TBCA: variants seen among roughly 807,000 people sequenced by gnomAD.
The protein encoded by TBCA is tubulin-specific chaperone A.
Under a neutral mutation model 15.8 loss-of-function variants are expected in TBCA, and 6 were observed. The observed-to-expected ratio is 0.38, with a 90% CI of 0.21 to 0.75. TBCA has a LOEUF of 0.75. Among genes scored for constraint, TBCA ranks in the 30% least tolerant of loss-of-function variants. TBCA has a pLI of 0.46. For synonymous variants in TBCA, 32 were observed against 42.3 expected, an observed-to-expected ratio of 0.76 and a Z score of 0.94; for missense variants, 90 against 131.2, an observed-to-expected ratio of 0.69 and a Z score of 1.53.
At chr5:77,692,004 C>T in intron 3 of TBCA, 1 of 985,376 alleles carries the variant, frequency 1.0e-6, no homozygotes, top group Non-Finnish European at 1.2e-6. Context: ...GTATTACATA[C>T]CCTACACTAA....
chr5:77,744,531 CTTTTTT>C (rs70991305), intron 1 of TBCA, among the ~76,000 whole-genome samples: 8 of 82,968 alleles, frequency 9.6e-5, no homozygotes, highest in Non-Finnish European at 1.3e-4. Context: ...TCTTATTCAC[CTTTTTT>C]TTTTTTTTTT....
At chr5:77,700,595 A>C (rs1445448686) in intron 2 of TBCA, among the ~76,000 whole-genome samples, 1 of 152,250 alleles carries the variant, frequency 6.6e-6, no homozygotes, top group East Asian at 1.9e-4. Context: ...ATGTAGAGAA[A>C]TTGAATCATT....
At chr5:77,713,320 TAAC>T (rs1208306867) in intron 1 of TBCA, among the ~76,000 whole-genome samples, 2 of 152,046 alleles carry the variant, frequency 1.3e-5, no homozygotes, top group African/African-American at 4.8e-5. Context: ...TACTAATAAA[TAAC>T]AATAATTTGG....
At chr5:77,727,346 C>A (rs1313788461) in intron 1 of TBCA, among the ~76,000 whole-genome samples, 1 of 150,880 alleles carries the variant, frequency 6.6e-6, no homozygotes, top group African/African-American at 2.4e-5. Flanking sequence ...ATTTACAAGA[C>A]AGAGTTCTTG....
At chr5:77,759,337 A>G (rs1185436226) in intron 1 of TBCA, among the ~76,000 whole-genome samples, 3 of 152,216 alleles carry the variant, frequency 2.0e-5, no homozygotes, top group African/African-American at 7.2e-5. Context: ...GCCTCCAGGT[A>G]GCAGACTTCA....
At chr5:77,698,033 T>C (rs1364792802) in intron 2 of TBCA, among the ~76,000 whole-genome samples, 2 of 151,394 alleles carry the variant, frequency 1.3e-5, no homozygotes, top group Admixed American at 6.6e-5. Flanking sequence ...AATGGGAGGG[T>C]TGCTTGAACC....
intron 1 of TBCA, among the ~76,000 whole-genome samples, chr5:77,722,034 C>A (rs910016525): frequency 1.8e-4 from 27 of 151,954 alleles, no homozygotes; most frequent in African/African-American, 6.5e-4. Flanking sequence ...TAAATTATGT[C>A]TTTTATGGCA....
At chr5:77,712,268 T>C (rs553812844) in intron 1 of TBCA, among the ~76,000 whole-genome samples, 16 of 152,314 alleles carry the variant, frequency 1.1e-4, no homozygotes, top group African/African-American at 3.6e-4. Flanking sequence ...TGAATTGGGA[T>C]TGTCAGAATT....
At chr5:77,772,083 TAA>T (rs1428714735) in intron 1 of TBCA, among the ~76,000 whole-genome samples, 7 of 138,756 alleles carry the variant, frequency 5.0e-5, no homozygotes, top group Non-Finnish European at 1.6e-5. Context: ...AACCATTGAT[TAA>T]AAAAAAAAAA....
At chr5:77,732,477 G>C (rs1746795914) in intron 1 of TBCA, among the ~76,000 whole-genome samples, 2 of 150,432 alleles carry the variant, frequency 1.3e-5, no homozygotes, top group Non-Finnish European at 2.9e-5. Context: ...CATGGACCCG[G>C]GAGGCAGAGC....
Position 77,739,770 on chromosome 5 carries a change from G to A in TBCA, c.54-31423C>T, listed in dbSNP as rs184154349. On this transcript the variant is annotated intron_variant, in intron 1 of 3. Coordinates refer to ENST00000380377, the MANE Select transcript of TBCA (RefSeq NM_004607.3). Reference sequence around the variant, plus strand: ...GTGGCAAGTAAAAGGCACCCTGGGGGCCTTACCAAAAACAAACAAACAAAA... The same window carrying A: ...GTGGCAAGTAAAAGGCACCCTGGGGACCTTACCAAAAACAAACAAACAAAA... Among the ~76,000 whole-genome samples the A allele has an allele frequency of 6.6e-5, 10 of 152,168 alleles. No homozygotes were observed. The East Asian group carries it at 1.5e-3, about 24-fold the overall frequency.
intron 1 of TBCA, among the ~76,000 whole-genome samples, chr5:77,749,479 C>A (rs970159444): frequency 2.0e-5 from 3 of 152,218 alleles, no homozygotes; most frequent in African/African-American, 7.2e-5. Context: ...AGTGTCTACA[C>A]ATATTTCATA....
chr5:77,724,585 T>C (rs1189435284), intron 1 of TBCA, among the ~76,000 whole-genome samples: 1 of 152,182 alleles, frequency 6.6e-6, no homozygotes, highest in East Asian at 1.9e-4. Context: ...TAAAATGAAC[T>C]GACCTTGAAA....
At chr5:77,763,177 G>A (rs1439969409) in intron 1 of TBCA, among the ~76,000 whole-genome samples, 1 of 152,128 alleles carries the variant, frequency 6.6e-6, no homozygotes, top group Non-Finnish European at 1.5e-5. Flanking sequence ...CCGGGAGGCG[G>A]AGCTTGCAGT....
At chr5:77,765,748 C>T (rs1747756620) in intron 1 of TBCA, among the ~76,000 whole-genome samples, 1 of 152,076 alleles carries the variant, frequency 6.6e-6, no homozygotes, top group African/African-American at 2.4e-5. Flanking sequence ...GATATACTTC[C>T]ACACACCTGA....
At chr5:77,717,725 G>A (rs1423720670) in intron 1 of TBCA, among the ~76,000 whole-genome samples, 4 of 152,074 alleles carry the variant, frequency 2.6e-5, no homozygotes, top group Admixed American at 6.5e-5. Flanking sequence ...CCAACTACTC[G>A]GGAGGCTGAG....
At chr5:77,742,269 G>A (rs1180747565) in intron 1 of TBCA, among the ~76,000 whole-genome samples, 1 of 152,060 alleles carries the variant, frequency 6.6e-6, no homozygotes, top group Non-Finnish European at 1.5e-5. Flanking sequence ...GCTCAAAAAG[G>A]TTTCAGATTT....
At chr5:77,691,771 A>G in intron 3 of TBCA, 1 of 1,070,672 alleles carries the variant, frequency 9.3e-7, no homozygotes, top group Non-Finnish European at 1.1e-6. Context: ...AGCATTAATT[A>G]AATAAAAACC....
chr5:77,706,906 A>C (rs896304389), intron 2 of TBCA, among the ~76,000 whole-genome samples: 4 of 152,138 alleles, frequency 2.6e-5, no homozygotes, highest in African/African-American at 7.2e-5. Flanking sequence ...TAAAAATATC[A>C]AGAAGGGACC....
Sources: gnomAD v4.1 joint callset for allele counts (sites outside exome capture counted in the v4.1 genomes callset) on GRCh38, gnomAD v4.1.1 for gene constraint, MANE v1.5 for transcripts, NCBI Gene and HGNC (gene_info 2026-07-23, HGNC 2026-07-21) for gene names.